DIAPH3: variants seen among roughly 807,000 people sequenced by gnomAD.
The protein encoded by DIAPH3 is protein diaphanous homolog 3.
Under a neutral mutation model 144.3 loss-of-function variants are expected in DIAPH3, and 117 were observed. That is an observed-to-expected ratio of 0.81 (90% CI 0.70 to 0.95). The LOEUF (loss-of-function observed/expected upper bound fraction) is 0.95. Among genes scored for constraint, DIAPH3 ranks in the 40% least tolerant of loss-of-function variants. DIAPH3 has a pLI of 0.00. For synonymous variants in DIAPH3, 519 were observed against 488.9 expected (o/e 1.06, Z -0.81); for missense variants, 1,421 against 1,412.7 (o/e 1.01, Z -0.09).
intron 4 of DIAPH3, among the ~76,000 whole-genome samples, chr13:60,060,295 T>G (rs1356104471): frequency 6.6e-6 from 1 of 152,092 alleles, no homozygotes; most frequent in Non-Finnish European, 1.5e-5. Flanking sequence ...GATCATTGGA[T>G]CACACCCCAC....
chr13:60,113,818 T>A (rs1249544846), intron 2 of DIAPH3, among the ~76,000 whole-genome samples: 3 of 152,224 alleles, frequency 2.0e-5, no homozygotes, highest in Non-Finnish European at 4.4e-5. Context: ...GATAGCTGCA[T>A]GGGTGCTGGC....
At chr13:60,133,528 A>G (rs963397607) in intron 1 of DIAPH3, among the ~76,000 whole-genome samples, 17 of 152,182 alleles carry the variant, frequency 1.1e-4, no homozygotes, top group Admixed American at 9.2e-4. Context: ...AGAATGTACT[A>G]AAATGACTAT....
At chr13:60,067,430 CT>C (rs1370111816) in intron 4 of DIAPH3, among the ~76,000 whole-genome samples, 1 of 152,052 alleles carries the variant, frequency 6.6e-6, no homozygotes, top group Admixed American at 6.6e-5. Flanking sequence ...ATAAACATAT[CT>C]CTTTATCCAA....
intron 17 of DIAPH3, among the ~76,000 whole-genome samples, chr13:59,953,461 C>T (rs558592935): frequency 6.6e-6 from 1 of 152,092 alleles, no homozygotes; most frequent in Non-Finnish European, 1.5e-5. Context: ...TCCAGGTGGG[C>T]TCTCCAATGC....
At chr13:60,114,642 G>GACACACACACAC (rs34572381) in intron 2 of DIAPH3, among the ~76,000 whole-genome samples, 1 of 147,992 alleles carries the variant, frequency 6.8e-6, no homozygotes, top group African/African-American at 2.5e-5. Context: ...GAATACAAAA[G>GACACACACACAC]ACACACACAC....
chr13:59,822,466 G>C (rs955204270), intron 24 of DIAPH3, among the ~76,000 whole-genome samples: 1 of 151,946 alleles, frequency 6.6e-6, no homozygotes, highest in Admixed American at 6.6e-5. Flanking sequence ...TTGTGAGACG[G>C]AGTCTCGCTC....
intron 27 of DIAPH3, among the ~76,000 whole-genome samples, chr13:59,670,453 A>G (rs1360037730): frequency 6.6e-6 from 1 of 152,204 alleles, no homozygotes; most frequent in Non-Finnish European, 1.5e-5. Context: ...ATGGGAGACC[A>G]AAACTGTAGA....
intron 21 of DIAPH3, among the ~76,000 whole-genome samples, chr13:59,876,945 G>A (rs1426539419): frequency 6.6e-6 from 1 of 151,964 alleles, no homozygotes; most frequent in Non-Finnish European, 1.5e-5. Flanking sequence ...CAGCTTCCAA[G>A]TTCATAACCA....
chr13:59,876,780 G>A (rs1209503273), intron 21 of DIAPH3, among the ~76,000 whole-genome samples: 1 of 152,128 alleles, frequency 6.6e-6, no homozygotes, highest in Non-Finnish European at 1.5e-5. Context: ...ACCTAAAGAG[G>A]ATCACAGACA....
At chr13:59,963,289 A>G (rs2049864553) in intron 17 of DIAPH3, among the ~76,000 whole-genome samples, 1 of 152,312 alleles carries the variant, frequency 6.6e-6, no homozygotes, top group African/African-American at 2.4e-5. Flanking sequence ...TTATCTAAAC[A>G]CATGAATGCA....
At chr13:59,694,335 A>C (rs1164247997) in intron 27 of DIAPH3, among the ~76,000 whole-genome samples, 1 of 152,112 alleles carries the variant, frequency 6.6e-6, no homozygotes, top group Non-Finnish European at 1.5e-5. Flanking sequence ...AGGTTGATAC[A>C]CTGATTTTGG....
chr13:60,024,634 T>G (rs2054260950), intron 5 of DIAPH3, among the ~76,000 whole-genome samples: 1 of 152,240 alleles, frequency 6.6e-6, no homozygotes, highest in African/African-American at 2.4e-5. Context: ...TCATTCAGTT[T>G]GTGATTTTCC....
At chr13:59,825,143 C>T (rs935054910) in intron 24 of DIAPH3, among the ~76,000 whole-genome samples, 2 of 151,934 alleles carry the variant, frequency 1.3e-5, no homozygotes, top group African/African-American at 2.4e-5. Context: ...CCCATTAACT[C>T]GTCATTTAGC....
intron 4 of DIAPH3, among the ~76,000 whole-genome samples, chr13:60,054,229 C>A (rs538231332): frequency 6.6e-6 from 1 of 151,756 alleles, no homozygotes; most frequent in Admixed American, 6.6e-5. Context: ...TAATATATAG[C>A]CTCTAGAGAT....
chr13:59,898,062 G>A (rs566063077), intron 20 of DIAPH3, among the ~76,000 whole-genome samples: 2 of 148,578 alleles, frequency 1.3e-5, no homozygotes, highest in East Asian at 4.0e-4. Context: ...TGAACCTGGG[G>A]AGGCAGAGGC....
chr13:59,727,766 G>T (rs970671140), intron 27 of DIAPH3, among the ~76,000 whole-genome samples: 1 of 152,072 alleles, frequency 6.6e-6, no homozygotes, highest in Non-Finnish European at 1.5e-5. Context: ...GGAATTTCTT[G>T]TCTAGTCTGT....
chr13:60,101,729 T>C (rs926649667), intron 3 of DIAPH3, among the ~76,000 whole-genome samples: 1 of 152,118 alleles, frequency 6.6e-6, no homozygotes, highest in Non-Finnish European at 1.5e-5. Context: ...CTTTTCATTA[T>C]CTAAAACCTG....
intron 4 of DIAPH3, among the ~76,000 whole-genome samples, chr13:60,062,016 T>C (rs1228523378): frequency 6.6e-6 from 1 of 152,062 alleles, no homozygotes; most frequent in Non-Finnish European, 1.5e-5. Flanking sequence ...TCTAACCCCC[T>C]CGGCAGGAGA....
At chr13:59,715,704 A>G (rs1811881658) in intron 27 of DIAPH3, among the ~76,000 whole-genome samples, 1 of 152,168 alleles carries the variant, frequency 6.6e-6, no homozygotes, top group Non-Finnish European at 1.5e-5. Context: ...GTTGTGGTTT[A>G]ATGGAATTAA....
Sources: gnomAD v4.1 joint callset for allele counts (sites outside exome capture counted in the v4.1 genomes callset) on GRCh38, gnomAD v4.1.1 for gene constraint, MANE v1.5 for transcripts, NCBI Gene and HGNC (gene_info 2026-07-23, HGNC 2026-07-21) for gene names.